PCDH9: variants seen among roughly 807,000 people sequenced by gnomAD.
PCDH9 encodes the protein protocadherin 9, also known as protocadherin-9.
A neutral mutation model predicts 70.6 loss-of-function variants in PCDH9; 24 were observed. That is an observed-to-expected ratio of 0.34 (90% CI 0.25 to 0.48). The LOEUF (loss-of-function observed/expected upper bound fraction) is 0.48. Among genes scored for constraint, PCDH9 ranks in the 20% least tolerant of loss-of-function variants. The pLI, the probability that PCDH9 is intolerant of heterozygous loss-of-function variation, is 0.99. For missense variants in PCDH9, 1,281 were observed against 1,503.6 expected, an observed-to-expected ratio of 0.85 and a Z score of 2.45; for synonymous variants, 562 against 558.5, an observed-to-expected ratio of 1.01 and a Z score of -0.09.
At chr13:66,501,202 T>A (rs1327876848) in intron 4 of PCDH9, among the ~76,000 whole-genome samples, 1 of 152,168 alleles carries the variant, frequency 6.6e-6, no homozygotes, top group Non-Finnish European at 1.5e-5. Flanking sequence ...TTGAAATTAA[T>A]GGAATTTTTG....
intron 4 of PCDH9, among the ~76,000 whole-genome samples, chr13:66,556,197 C>T (rs893863184): frequency 6.6e-5 from 10 of 151,488 alleles, no homozygotes; most frequent in South Asian, 2.1e-4. Context: ...TCAGTAGCAC[C>T]GTGTTTTTTG....
At chr13:66,950,016 T>A (rs2083152162) in intron 2 of PCDH9, among the ~76,000 whole-genome samples, 1 of 152,056 alleles carries the variant, frequency 6.6e-6, no homozygotes, top group South Asian at 2.1e-4. Flanking sequence ...TACTTTTAGA[T>A]GATGACCAGA....
In PCDH9 at chr13:66,656,109, A is replaced by C. The variant is rs367566623; in HGVS notation, c.3139-24698T>G. 1.9e-3 allele frequency among the ~76,000 whole-genome samples: 282 copies of C among 152,272 alleles called. 13 individuals carry two copies. The South Asian group carries it at 0.057, about 31-fold the overall frequency. On this transcript the variant is annotated intron_variant, in intron 3 of 4. Transcript: ENST00000377865. ...AGCAGGCATGTTGGCAAAACAAATG[A>C]AATATTTTAAAAGGAAAAGCAAAAA...
intron 2 of PCDH9, among the ~76,000 whole-genome samples, chr13:67,066,566 A>G (rs2085653068): frequency 6.6e-6 from 1 of 152,134 alleles, no homozygotes; most frequent in Admixed American, 6.5e-5. Context: ...CAAAGAGAGT[A>G]GAGAATGCAT....
Position 67,227,028 on chromosome 13 carries a change from C to T in PCDH9, c.1413G>A (p.Gln471=). 6.2e-7 allele frequency: 1 copy of T among 1,614,194 alleles called. No homozygotes were observed. The highest frequency in any genetic ancestry group is 8.5e-7 in the Non-Finnish European group (1 of 1,180,028). ...DENDNPPIFN[Q]PVIELSVSEN... is the part of the protein sequence containing the mutation. Reference sequence around the variant, plus strand: ...CAGAAACTGACAGCTCAATTACAGGCTGGTTGAAAATTGGTGGGTTGTCAT... The same window carrying T: ...CAGAAACTGACAGCTCAATTACAGGTTGGTTGAAAATTGGTGGGTTGTCAT... Residue 471 remains glutamine, a synonymous_variant, in exon 2 of 5, where the codon CAG becomes CAA. Transcript: ENST00000377865. The surrounding 1 kb of genome is among the most constrained non-coding windows in gnomAD (Gnocchi z 4.6).
At chr13:66,377,513 T>G (rs1428335455) in intron 4 of PCDH9, among the ~76,000 whole-genome samples, 4 of 152,134 alleles carry the variant, frequency 2.6e-5, no homozygotes, top group African/African-American at 9.7e-5. Context: ...AAAAAAGATA[T>G]GCTGAATTTA....
intron 3 of PCDH9, among the ~76,000 whole-genome samples, chr13:66,664,607 T>A (rs533143187): frequency 6.6e-6 from 1 of 152,300 alleles, no homozygotes; most frequent in Non-Finnish European, 1.5e-5. Context: ...AGGAGAGAAT[T>A]CATGTTTAAA....
At chr13:67,024,695 A>G (rs756906426) in intron 2 of PCDH9, among the ~76,000 whole-genome samples, 1 of 152,056 alleles carries the variant, frequency 6.6e-6, no homozygotes, top group Admixed American at 6.6e-5. Context: ...ACTACTTAGC[A>G]GGGCTTTATT....
intron 3 of PCDH9, among the ~76,000 whole-genome samples, chr13:66,842,415 T>C (rs537899094): frequency 5.3e-5 from 8 of 152,148 alleles, no homozygotes; most frequent in Non-Finnish European, 1.2e-4. Context: ...AACAGAAAAG[T>C]GTAATTCTTG....
chr13:66,445,615 A>T (rs999090988), intron 4 of PCDH9, among the ~76,000 whole-genome samples: 35 of 139,174 alleles, frequency 2.5e-4, no homozygotes, highest in African/African-American at 8.7e-4. Flanking sequence ...TATATATTAT[A>T]TATACACATA....
At chr13:66,506,178 C>A (rs970054156) in intron 4 of PCDH9, among the ~76,000 whole-genome samples, 1 of 152,110 alleles carries the variant, frequency 6.6e-6, no homozygotes, top group Non-Finnish European at 1.5e-5. Context: ...CACCAGAAAC[C>A]TCTGTGAAGC....
At chr13:66,688,916 C>G (rs2078443259) in intron 3 of PCDH9, among the ~76,000 whole-genome samples, 1 of 151,984 alleles carries the variant, frequency 6.6e-6, no homozygotes, top group Non-Finnish European at 1.5e-5. Flanking sequence ...CTCTTAGAAA[C>G]TTACTAATTA....
Position 66,373,152 on chromosome 13 carries a change from G to A in PCDH9, c.3341-68124C>T, listed in dbSNP as rs184506689. ...ATATTTTATAATGAAATATTATTTA[G>A]CCACAACAGGGAAGGAAATTCTGAC... On this transcript the variant is annotated intron_variant, in intron 4 of 4. Transcript: ENST00000377865. 3.9e-3 allele frequency among the ~76,000 whole-genome samples: 599 copies of A among 152,014 alleles called. 3 individuals are homozygous for A. Among genetic ancestry groups the A allele is most frequent in the African/African-American group, 0.014 (570 of 41,512 alleles).
intron 4 of PCDH9, among the ~76,000 whole-genome samples, chr13:66,563,778 C>T (rs776555330): frequency 2.0e-5 from 3 of 152,134 alleles, no homozygotes; most frequent in Non-Finnish European, 2.9e-5. Context: ...TTTGGCTTAC[C>T]TGTTATCTCT....
chr13:66,529,026 A>G (rs1288422532), intron 4 of PCDH9, among the ~76,000 whole-genome samples: 1 of 152,110 alleles, frequency 6.6e-6, no homozygotes, highest in Non-Finnish European at 1.5e-5. Context: ...GATTGCTTCC[A>G]CACTGTACCT....
intron 3 of PCDH9, among the ~76,000 whole-genome samples, chr13:66,838,081 C>G (rs1430189864): frequency 2.0e-5 from 3 of 152,060 alleles, no homozygotes; most frequent in East Asian, 1.9e-4. Context: ...CAGTTTTGTA[C>G]TTTTTACCAT....
At chr13:66,585,945 G>A (rs535662984) in intron 4 of PCDH9, among the ~76,000 whole-genome samples, 128 of 152,270 alleles carry the variant, frequency 8.4e-4, no homozygotes, top group Non-Finnish European at 3.5e-4. Context: ...CATTAAATGA[G>A]TGATTTATCT....
At chr13:67,029,428 C>T (rs1381889813) in intron 2 of PCDH9, among the ~76,000 whole-genome samples, 1 of 152,138 alleles carries the variant, frequency 6.6e-6, no homozygotes, top group Admixed American at 6.6e-5. Flanking sequence ...TGTCCTCAAT[C>T]CTAAGGAATT....
chr13:66,308,984 T>C (rs956342579), intron 4 of PCDH9, among the ~76,000 whole-genome samples: 2 of 152,132 alleles, frequency 1.3e-5, no homozygotes, highest in African/African-American at 4.8e-5. Context: ...CAGTATGAGC[T>C]GTATTGTTGG....
Sources: allele counts gnomAD v4.1 joint callset (sites outside exome capture counted in the v4.1 genomes callset), GRCh38; gene constraint gnomAD v4.1.1; non-coding constraint Gnocchi (gnomAD v3.1); transcripts MANE v1.5; gene names NCBI Gene and HGNC (gene_info 2026-07-23, HGNC 2026-07-21).